CAPN8: variants seen among roughly 807,000 people sequenced by gnomAD.
CAPN8 encodes the protein calpain 8.
CAPN8 carries 87 observed loss-of-function variants against 80.9 expected under a neutral mutation model. The ratio of observed to expected loss-of-function variants is 1.07; its 90% confidence interval spans 0.90 to 1.28. The LOEUF is 1.28. Ranked by LOEUF, CAPN8 falls within the 50% of genes most tolerant of loss-of-function variation. The pLI is 0.00. For missense variants in CAPN8, 757 were observed against 702.0 expected (o/e 1.08, Z -0.89); for synonymous variants, 299 against 273.8 (o/e 1.09, Z -0.91).
At chr1:223,624,202 G>A (rs946803963) in intron 6 of CAPN8, among the ~76,000 whole-genome samples, 30 of 152,178 alleles carry the variant, frequency 2.0e-4, no homozygotes, top group African/African-American at 7.0e-4. Flanking sequence ...TCAGCCTCCC[G>A]AGTAGCTGGA....
At chr1:223,632,020 CA>C (rs36098948) in intron 2 of CAPN8, among the ~76,000 whole-genome samples, 111,576 of 151,992 alleles carry the variant, frequency 0.73, 41,442 homozygotes, top group African/African-American at 0.84. Context: ...GTCACGGCAA[CA>C]AAATGTCCCT....
At chr1:223,625,614 G>A (rs751624353) in intron 6 of CAPN8, among the ~76,000 whole-genome samples, 191 bp downstream of exon 6, 9 of 152,136 alleles carry the variant, frequency 5.9e-5, no homozygotes, top group Non-Finnish European at 1.0e-4. Context: ...CTGTTCTAAT[G>A]AGCAAAAGCT....
intron 1 of CAPN8, among the ~76,000 whole-genome samples, chr1:223,658,210 T>C (rs1247195571): frequency 1.3e-5 from 2 of 152,196 alleles, no homozygotes; most frequent in Non-Finnish European, 2.9e-5. Context: ...AGCTGTATCT[T>C]CAATTACCTG....
intron 2 of CAPN8, among the ~76,000 whole-genome samples, chr1:223,639,860 C>A (rs890572484): frequency 2.0e-5 from 3 of 152,228 alleles, no homozygotes; most frequent in Admixed American, 6.5e-5. Context: ...AAGTGACCCC[C>A]CAAGGCCAGG....
chr1:223,617,129 G>T (rs1043464329), intron 9 of CAPN8: 1 of 152,150 alleles, frequency 6.6e-6, no homozygotes, highest in Non-Finnish European at 1.5e-5. Context: ...AAGGGCATGG[G>T]ATTTTTCCTT....
intron 2 of CAPN8, chr1:223,642,937 A>G (rs970869772): frequency 4.9e-5 from 19 of 385,302 alleles, no homozygotes; most frequent in Non-Finnish European, 9.2e-5. Context: ...TTAGAGGGAA[A>G]CATTTTTCTT....
intron 11 of CAPN8, among the ~76,000 whole-genome samples, chr1:223,610,464 A>T (rs1420256378): frequency 6.6e-6 from 1 of 152,192 alleles, no homozygotes; most frequent in Non-Finnish European, 1.5e-5. Flanking sequence ...AGAGGATGTG[A>T]CCAAGGCCTA....
chr1:223,618,482 C>A (rs1657271936), intron 9 of CAPN8, among the ~76,000 whole-genome samples: 1 of 152,234 alleles, frequency 6.6e-6, no homozygotes, highest in South Asian at 2.1e-4. Flanking sequence ...AACTCAGGCA[C>A]AAACACACAG....
chr1:223,651,276 G>A (rs112737161), intron 2 of CAPN8, among the ~76,000 whole-genome samples: 1 of 152,144 alleles, frequency 6.6e-6, no homozygotes, highest in African/African-American at 2.4e-5. Flanking sequence ...TTTGAGGGCT[G>A]TTTCAACAAA....
At chr1:223,624,541 C>T (rs79185270) in intron 6 of CAPN8, among the ~76,000 whole-genome samples, 56,379 of 151,166 alleles carry the variant, frequency 0.37, 10,606 homozygotes, top group Non-Finnish European at 0.4. Context: ...TCTGTCTCTA[C>T]AAAAATTTTT....
chr1:223,613,815 G>A (rs1657096855), intron 10 of CAPN8, among the ~76,000 whole-genome samples: 1 of 152,126 alleles, frequency 6.6e-6, no homozygotes, highest in Admixed American at 6.6e-5. Flanking sequence ...ATGAGAATAT[G>A]GCACCCACTC....
intron 3 of CAPN8, 96 bp from the exon 4 acceptor site, chr1:223,628,238 G>A: frequency 7.2e-7 from 1 of 1,380,382 alleles, no homozygotes; most frequent in Non-Finnish European, 9.6e-7. Context: ...TGTGCCATCA[G>A]TGTTCGAGTC....
intron 13 of CAPN8, among the ~76,000 whole-genome samples, chr1:223,557,607 C>T (rs1656934283): frequency 6.6e-6 from 1 of 152,238 alleles, no homozygotes; most frequent in East Asian, 1.9e-4. Context: ...TCAAACCCTA[C>T]ATATTTATTC....
At chr1:223,641,087 G>A (rs1658028443) in intron 2 of CAPN8, among the ~76,000 whole-genome samples, 2 of 152,144 alleles carry the variant, frequency 1.3e-5, no homozygotes, top group African/African-American at 4.8e-5. Flanking sequence ...TCAAAGTATT[G>A]AAGGACGGCC....
chr1:223,545,135 A>G (rs1477183562), intron 17 of CAPN8, 96 bp downstream of exon 17: 2 of 1,536,112 alleles, frequency 1.3e-6, no homozygotes, highest in Middle Eastern at 1.7e-4. Context: ...AGTTTTGACC[A>G]TGATTAAGGA....
chr1:223,544,596 A>G (rs946262940), intron 18 of CAPN8, among the ~76,000 whole-genome samples, 176 bp downstream of exon 18: 3 of 152,210 alleles, frequency 2.0e-5, no homozygotes, highest in Non-Finnish European at 2.9e-5. Context: ...TATGGAATCG[A>G]GCAATATTCT....
chr1:223,631,679 A>G (rs1657777592), intron 2 of CAPN8, among the ~76,000 whole-genome samples: 1 of 152,204 alleles, frequency 6.6e-6, no homozygotes, highest in Non-Finnish European at 1.5e-5. Flanking sequence ...AGCATCTTAC[A>G]TATATTTGCA....
intron 14 of CAPN8, 70 bp from the exon 15 acceptor site, chr1:223,551,087 C>A: frequency 1.4e-6 from 1 of 702,358 alleles, no homozygotes; most frequent in Non-Finnish European, 2.6e-6. Flanking sequence ...TAAATTAATG[C>A]AGTGCTTCCT....
At position 223,545,280 on chromosome 1, in the gene CAPN8, A is replaced by G. The variant is rs1656590269; in HGVS notation, c.1784T>C (p.Leu595Ser). The G allele has an allele frequency of 6.4e-7, 1 of 1,551,656 alleles. No homozygotes were observed. The highest frequency in any genetic ancestry group is 1.2e-5 in the South Asian group (1 of 84,052). Reference sequence around the variant, plus strand: ...GAGCGTCTTGAATTCCACCGCCCCCAAAGTGCCCGTTCCATTGCTCTAGGC... The same window carrying G: ...GAGCGTCTTGAATTCCACCGCCCCCGAAGTGCCCGTTCCATTGCTCTAGGC... ...SLLDSNGTGT[L>S]GAVEFKTLWL... The change falls in exon 17 of 21, where the codon TTG becomes TCG. Residue 595 changes from leucine (L) to serine (S), a missense_variant. Physicochemically the swap from Leu to Ser is moderately radical, Grantham distance 145 (BLOSUM62 -2). Coordinates refer to ENST00000366872, the MANE Select transcript of CAPN8 (RefSeq NM_001143962.2).
Sources: allele counts gnomAD v4.1 joint callset (sites outside exome capture counted in the v4.1 genomes callset), GRCh38; gene constraint gnomAD v4.1.1; transcripts MANE v1.5; gene names NCBI Gene and HGNC (gene_info 2026-07-23, HGNC 2026-07-21).